LRRC37B: variants seen among roughly 807,000 people sequenced by gnomAD.
LRRC37B encodes leucine-rich repeat-containing protein 37B.
LRRC37B carries 28 observed loss-of-function variants against 98.3 expected under a neutral mutation model. The ratio of observed to expected loss-of-function variants is 0.28; its 90% CI spans 0.21 to 0.39. The LOEUF is 0.39. LRRC37B is among the 10% of genes least tolerant of loss of function. LRRC37B has a pLI of 1.00. For synonymous variants in LRRC37B, 364 were observed against 442.7 expected (o/e 0.82, Z 2.23); for missense variants, 938 against 1,182.7 (o/e 0.79, Z 3.03).
At chr17:32,022,119 A>G (rs1910812096) in exon 1 of LRRC37B, 4 of 1,613,532 alleles carry the variant, frequency 2.5e-6, no homozygotes. Context: ...TCATGAAGTG[A>G]CAGTTCAACC....
At chr17:32,013,896 C>T (rs1157902197) in intron 1 of LRRC37B, among the ~76,000 whole-genome samples, 3 of 152,016 alleles carry the variant, frequency 2.0e-5, no homozygotes, top group Non-Finnish European at 1.5e-5. Context: ...TACCTTTGGC[C>T]ACTACATCCT....
intron 1 of LRRC37B, among the ~76,000 whole-genome samples, chr17:32,014,822 C>T (rs1482333521): frequency 1.3e-5 from 2 of 152,142 alleles, no homozygotes; most frequent in African/African-American, 4.8e-5. Context: ...AAGTGCTCAG[C>T]ACAATGTCTG....
chr17:32,014,631 G>T (rs551150272), intron 1 of LRRC37B, among the ~76,000 whole-genome samples: 1 of 152,062 alleles, frequency 6.6e-6, no homozygotes, highest in Non-Finnish European at 1.5e-5. Context: ...CTCCTCTTAC[G>T]CTCTTTAAAA....
At chr17:32,022,276 C>T (rs143084075) in exon 1 of LRRC37B, 9 of 1,613,836 alleles carry the variant, frequency 5.6e-6, no homozygotes, top group African/African-American at 4.0e-5. Context: ...CCCGAGGAGG[C>T]GGAACCTTCT....
At chr17:32,030,503 G>A (rs1335017554) in intron 3 of LRRC37B, among the ~76,000 whole-genome samples, 153 bp from the exon 7 acceptor site, 2 of 150,840 alleles carry the variant, frequency 1.3e-5, no homozygotes, top group Non-Finnish European at 3.0e-5. Flanking sequence ...GTACAGGCAG[G>A]GTTAGGAGCT....
At chr17:32,020,778 A>G (rs1910746801), upstream of LRRC37B, 6 of 545,874 alleles carry the variant, frequency 1.1e-5, no homozygotes, top group Non-Finnish European at 1.2e-5. Flanking sequence ...GAACTGGACT[A>G]GCACTTCTGA....
chr17:32,044,639 G>A (rs965166443), intron 7 of LRRC37B, among the ~76,000 whole-genome samples: 52 of 152,112 alleles, frequency 3.4e-4, no homozygotes, highest in Non-Finnish European at 4.1e-4. Context: ...CAGCACTTTG[G>A]AAGGCCGAGA....
intron 7 of LRRC37B, among the ~76,000 whole-genome samples, chr17:32,036,976 ATTTTTTT>A (rs71360793): frequency 2.3e-3 from 118 of 51,698 alleles, no homozygotes; most frequent in African/African-American, 7.9e-3. Flanking sequence ...CATCTTCAGC[ATTTTTTT>A]TTTTTTTTTT....
chr17:32,015,006 C>T (rs1304322658), intron 1 of LRRC37B, among the ~76,000 whole-genome samples: 1 of 152,042 alleles, frequency 6.6e-6, no homozygotes, highest in Non-Finnish European at 1.5e-5. Context: ...GTGGTGGACT[C>T]CTGTAATCCC....
chr17:32,020,929 A>G (rs991863436), upstream of LRRC37B: 16 of 1,270,650 alleles, frequency 1.3e-5, no homozygotes, highest in African/African-American at 3.1e-5. Context: ...AGGGGAGGGG[A>G]GGGGTGTTCC....
At chr17:32,052,631 G>A (rs1244224347) in intron 11 of LRRC37B, 2 of 152,186 alleles carry the variant, frequency 1.3e-5, no homozygotes, top group African/African-American at 4.8e-5. Context: ...AGAAAGTACA[G>A]TATAACAACT....
chr17:32,012,427 C>G (rs1216409342), intron 1 of LRRC37B, among the ~76,000 whole-genome samples: 1 of 152,138 alleles, frequency 6.6e-6, no homozygotes, highest in Non-Finnish European at 1.5e-5. Context: ...TACTAAAAAC[C>G]ATTATTTGGC....
chr17:32,043,444 C>G (rs1190877201), intron 7 of LRRC37B, among the ~76,000 whole-genome samples: 4 of 152,090 alleles, frequency 2.6e-5, no homozygotes, highest in Admixed American at 1.3e-4. Context: ...ACCTGTAGTT[C>G]TAGCTACTCA....
rs564756549 is a variant in LRRC37B at position 32,047,718 on chromosome 17, C to G, written c.2324-43C>G. The G allele has an allele frequency of 8.0e-5, 129 of 1,613,472 alleles. No homozygotes were observed. The East Asian group carries it at 2.9e-3, about 36-fold the overall frequency. On this transcript the variant is annotated intron_variant, in intron 8 of 11. Transcript: ENST00000327564. ...CTATGGACTGAGTATGAAAGATGAT[C>G]AAAGATATTTCATGATCAAAGCAGT...
chr17:32,018,489 A>G (rs768880242), upstream of LRRC37B, among the ~76,000 whole-genome samples: 2 of 152,286 alleles, frequency 1.3e-5, no homozygotes, highest in South Asian at 4.1e-4. Flanking sequence ...GGCTTTTCCT[A>G]AAGTCTTGAC....
intron 1 of LRRC37B, among the ~76,000 whole-genome samples, chr17:32,009,036 C>T (rs1222634405): frequency 2.0e-5 from 3 of 152,088 alleles, no homozygotes; most frequent in Non-Finnish European, 4.4e-5. Flanking sequence ...TACCATTTTT[C>T]ATTCTTACCT....
At chr17:32,020,279 A>G (rs963100140), upstream of LRRC37B, among the ~76,000 whole-genome samples, 5 of 152,236 alleles carry the variant, frequency 3.3e-5, no homozygotes, top group African/African-American at 1.2e-4. Flanking sequence ...CTGTGGGGGA[A>G]GTCAGCTGGG....
At chr17:32,049,039 A>T in intron 9 of LRRC37B, 63 bp from the exon 13 acceptor site, 2 of 1,609,650 alleles carry the variant, frequency 1.2e-6, no homozygotes, top group Admixed American at 1.7e-5. Flanking sequence ...GAATACAACA[A>T]TGTGGGCATT....
intron 5 of LRRC37B, 56 bp from the exon 9 acceptor site, chr17:32,034,854 T>TA (rs1272780676): frequency 1.5e-6 from 2 of 1,324,168 alleles, no homozygotes; most frequent in Admixed American, 3.7e-5. Context: ...ATAGACTTTT[T>TA]ATGCAGTTTC....
Sources: gnomAD v4.1 joint callset for allele counts (sites outside exome capture counted in the v4.1 genomes callset) on GRCh38, gnomAD v4.1.1 for gene constraint, MANE v1.5 for transcripts, NCBI Gene and HGNC (gene_info 2026-07-23, HGNC 2026-07-21) for gene names.